The following TRPM3 variants were observed in gnomAD, a reference collection of about 807,000 sequenced individuals.
TRPM3 encodes long transient receptor potential channel 3.
TRPM3 carries 77 observed loss-of-function variants against 181.2 expected under a neutral mutation model. That is an observed-to-expected ratio of 0.42 (90% CI 0.35 to 0.51). The LOEUF (loss-of-function observed/expected upper bound fraction) is 0.51. Among genes scored for constraint, TRPM3 ranks in the 20% least tolerant of loss-of-function variants. The pLI, the probability that TRPM3 is intolerant of heterozygous loss-of-function variation, is 0.01. For synonymous variants in TRPM3, 745 were observed against 796.4 expected (o/e 0.94, Z 1.09); for missense variants, 1,759 against 2,196.7 (o/e 0.80, Z 3.98).
In TRPM3 at chr9:70,608,276, GGCTCAA is replaced by G. The variant is rs1303392180; in HGVS notation, c.2667+2327_2667+2332del. 2.0e-5 allele frequency among the ~76,000 whole-genome samples: 3 copies of G among 152,150 alleles called. No individual in the cohort carries two copies. The East Asian group carries it at 5.8e-4, about 29-fold the overall frequency. On this transcript the variant is annotated intron_variant, in intron 19 of 25. Transcript: ENST00000677713. ...CAATTAAACTCCTTTAAATTTATTCGGCTCAAGTTTTTCTTTTAACAGAAATCAAGA... is the reference window on the plus strand; with the variant it reads ...CAATTAAACTCCTTTAAATTTATTCGGTTTTTCTTTTAACAGAAATCAAGA...
chr9:70,616,977 T>C (rs1433410155), intron 17 of TRPM3, among the ~76,000 whole-genome samples: 1 of 152,168 alleles, frequency 6.6e-6, no homozygotes, highest in Non-Finnish European at 1.5e-5. Context: ...GCACAAGACT[T>C]CTGAAGATGA....
chr9:71,151,342 T>C (rs1421353995), intron 1 of TRPM3, among the ~76,000 whole-genome samples: 2 of 152,090 alleles, frequency 1.3e-5, no homozygotes, highest in South Asian at 2.1e-4. Context: ...CAAAACACAA[T>C]GAGAGTTCAT....
At chr9:71,032,007 AAT>A (rs1565022275) in intron 1 of TRPM3, among the ~76,000 whole-genome samples, 1 of 1,664 alleles carries the variant, frequency 6.0e-4, no homozygotes, top group Non-Finnish European at 9.3e-4. Flanking sequence ...ATAATTATAT[AAT>A]ATATAATATA....
At position 71,256,265 on chromosome 9, in the gene TRPM3, C is replaced by A. The variant is rs115445654; in HGVS notation, c.183+190388G>T. 2.3e-3 allele frequency among the ~76,000 whole-genome samples: 349 copies of A among 152,254 alleles called. 3 individuals are homozygous for A. Among genetic ancestry groups the A allele is most frequent in the African/African-American group, 8.0e-3 (332 of 41,562 alleles). On this transcript the variant is annotated intron_variant, in intron 1 of 24. Transcript: ENST00000357533. The stretch of plus-strand genomic sequence containing the variant: ...GTCACTGCGTATTAATGAGTAAATA[C>A]AGCCTTGCCTCTGATTTCATTATAG...
At chr9:70,894,025 C>A (rs1042681178) in intron 1 of TRPM3, among the ~76,000 whole-genome samples, 21 of 152,136 alleles carry the variant, frequency 1.4e-4, no homozygotes, top group African/African-American at 5.1e-4. Context: ...CAAAATGGGT[C>A]ACGGATGTCC....
At chr9:71,092,370 T>A (rs192183668) in intron 1 of TRPM3, among the ~76,000 whole-genome samples, 9 of 152,308 alleles carry the variant, frequency 5.9e-5, no homozygotes, top group Non-Finnish European at 1.0e-4. Flanking sequence ...CCAATTTTCA[T>A]AAGTATGAGG....
intron 8 of TRPM3, 43 bp from the exon 9 acceptor site, chr9:70,681,621 C>A: frequency 1.3e-6 from 2 of 1,559,708 alleles, no homozygotes; most frequent in Non-Finnish European, 1.8e-6. Context: ...GCATTTTTCC[C>A]CCAAGAGAAA....
intron 1 of TRPM3, among the ~76,000 whole-genome samples, chr9:70,865,046 T>TGGGG (rs71507015): frequency 1.0e-5 from 1 of 95,424 alleles, no homozygotes; most frequent in Non-Finnish European, 2.2e-5. Flanking sequence ...ACAGGGGGGT[T>TGGGG]GGGGGGGGGG....
chr9:70,924,591 T>C (rs1369218942), intron 1 of TRPM3, among the ~76,000 whole-genome samples: 1 of 152,324 alleles, frequency 6.6e-6, no homozygotes, highest in Non-Finnish European at 1.5e-5. Flanking sequence ...ACCAAATGAA[T>C]GTTTTTAAAG....
At chr9:71,095,356 G>C (rs1038780324) in intron 1 of TRPM3, among the ~76,000 whole-genome samples, 1 of 143,842 alleles carries the variant, frequency 7.0e-6, no homozygotes, top group African/African-American at 2.6e-5. Context: ...AAGAACATGA[G>C]ATTGAGAGGT....
intron 1 of TRPM3, among the ~76,000 whole-genome samples, chr9:71,079,111 C>T (rs1271626839): frequency 6.6e-6 from 1 of 152,164 alleles, no homozygotes; most frequent in Non-Finnish European, 1.5e-5. Context: ...TGTGTTGAGG[C>T]TAGCTGTTGC....
chr9:70,782,165 A>G (rs1343118775), intron 7 of TRPM3, among the ~76,000 whole-genome samples: 1 of 152,022 alleles, frequency 6.6e-6, no homozygotes, highest in Non-Finnish European at 1.5e-5. Flanking sequence ...AATAGAACAA[A>G]TTGCTAGACT....
At chr9:71,402,053 A>G (rs1317186555) in intron 1 of TRPM3, among the ~76,000 whole-genome samples, 3 of 152,232 alleles carry the variant, frequency 2.0e-5, no homozygotes, top group Admixed American at 2.0e-4. Context: ...ACTTTCAGCC[A>G]GCGAGGTTGA....
chr9:70,595,331 C>T (rs1211796782), intron 21 of TRPM3, among the ~76,000 whole-genome samples: 3 of 152,132 alleles, frequency 2.0e-5, no homozygotes, highest in East Asian at 1.9e-4. Flanking sequence ...TCACAGAATG[C>T]AGTAATTCTC....
Position 70,796,760 on chromosome 9 carries a change from T to C in TRPM3, c.974-12481A>G, listed in dbSNP as rs150968734. 9.2e-5 allele frequency among the ~76,000 whole-genome samples: 14 copies of C among 152,302 alleles called. No individual in the cohort carries two copies. The East Asian group carries it at 2.5e-3, about 27-fold the overall frequency. On this transcript the variant is annotated intron_variant, in intron 6 of 25. Transcript: ENST00000677713. ...CTAGGCATCTCTTTTCTCTATTAGG[T>C]ATTTATTTCTGTATTACCAACATAT...
intron 1 of TRPM3, among the ~76,000 whole-genome samples, chr9:71,145,083 A>G (rs1361749432): frequency 1.3e-5 from 2 of 152,166 alleles, no homozygotes; most frequent in African/African-American, 4.8e-5. Flanking sequence ...TTGACAGTAA[A>G]TAACAAATTA....
chr9:70,957,122 G>A (rs1394736948), intron 1 of TRPM3, among the ~76,000 whole-genome samples: 2 of 151,754 alleles, frequency 1.3e-5, no homozygotes, highest in Non-Finnish European at 2.9e-5. Flanking sequence ...CACCGCACCT[G>A]GCTAATTTTT....
At chr9:70,589,705 T>C (rs187852295) in intron 22 of TRPM3, among the ~76,000 whole-genome samples, 2 of 152,340 alleles carry the variant, frequency 1.3e-5, no homozygotes, top group African/African-American at 4.8e-5. Context: ...GTGAGTTGGC[T>C]AAGTCTCATG....
In TRPM3 at chr9:71,426,693, C is replaced by A. The variant is rs115971061; in HGVS notation, c.183+19960G>T. Among the ~76,000 whole-genome samples, 836 of 152,234 alleles carry A rather than the reference C, an allele frequency of 5.5e-3. 5 individuals carry two copies. The highest frequency in any genetic ancestry group is 0.017 in the African/African-American group (709 of 41,534). ...CCCCATAAATTATACAGATGCTTCACAGGTTTTGCTGTGAAAAGCTTCCTT... is the reference window on the plus strand; with the variant it reads ...CCCCATAAATTATACAGATGCTTCAAAGGTTTTGCTGTGAAAAGCTTCCTT... On this transcript the variant is annotated intron_variant, in intron 1 of 24. Transcript: ENST00000357533.
Sources: gnomAD v4.1 joint callset for allele counts (sites outside exome capture counted in the v4.1 genomes callset) on GRCh38, gnomAD v4.1.1 for gene constraint, MANE v1.5 for transcripts, NCBI Gene and HGNC (gene_info 2026-07-23, HGNC 2026-07-21) for gene names.